Variants in ANKRD28 observed in about 807,000 individuals in gnomAD.
ANKRD28 encodes the protein serine/threonine-protein phosphatase 6 regulatory ankyrin repeat subunit A.
Under a neutral mutation model 126.5 loss-of-function variants are expected in ANKRD28, and 44 were observed. The observed-to-expected ratio is 0.35, with a 90% CI of 0.27 to 0.45. The LOEUF (loss-of-function observed/expected upper bound fraction) is 0.45. ANKRD28 is among the 20% of genes least tolerant of loss of function. The pLI is 1.00. For missense variants in ANKRD28, 1,110 were observed against 1,316.6 expected (o/e 0.84, Z 2.43); for synonymous variants, 442 against 468.5 (o/e 0.94, Z 0.73).
intron 6 of ANKRD28, among the ~76,000 whole-genome samples, chr3:15,727,587 AAAAG>A (rs1185467395): frequency 7.2e-5 from 8 of 110,370 alleles, no homozygotes; most frequent in African/African-American, 1.5e-4. Context: ...AAAAAAAAAA[AAAAG>A]AAAGAAAGAA....
At chr3:15,782,510 T>A (rs1468353481) in intron 2 of ANKRD28, among the ~76,000 whole-genome samples, 1 of 152,070 alleles carries the variant, frequency 6.6e-6, no homozygotes, top group Non-Finnish European at 1.5e-5. Context: ...ATGTGTGAAC[T>A]CTGAAAGGGT....
intron 2 of ANKRD28, among the ~76,000 whole-genome samples, chr3:15,774,390 A>G (rs1025943489): frequency 4.6e-5 from 7 of 152,198 alleles, no homozygotes; most frequent in Non-Finnish European, 7.3e-5. Context: ...CGGAATATAT[A>G]AAGAACTCTC....
intron 25 of ANKRD28, 140 bp downstream of exon 25, chr3:15,677,340 T>G: frequency 1.5e-6 from 1 of 649,200 alleles, no homozygotes; most frequent in Non-Finnish European, 2.6e-6. Flanking sequence ...GCCTTATAAG[T>G]CAATTTTGTT....
chr3:15,736,044 G>A (rs2074994303), intron 5 of ANKRD28, among the ~76,000 whole-genome samples: 1 of 152,156 alleles, frequency 6.6e-6, no homozygotes, highest in African/African-American at 2.4e-5. Flanking sequence ...AACCTTAACT[G>A]CAGTAGAGGC....
intron 27 of ANKRD28, among the ~76,000 whole-genome samples, chr3:15,673,386 T>C (rs974463681): frequency 6.6e-6 from 1 of 152,200 alleles, no homozygotes; most frequent in African/African-American, 2.4e-5. Context: ...ATGCAGCAAA[T>C]ATTCACTGAG....
In ANKRD28 at chr3:15,711,603, A is replaced by G. The variant is rs144511285; in HGVS notation, c.1274-329T>C. 2.5e-4 allele frequency among the ~76,000 whole-genome samples: 38 copies of G among 152,288 alleles called. No individual in the cohort carries two copies. In the South Asian group the frequency reaches 4.8e-3, roughly 19 times the overall value. On this transcript the variant is annotated intron_variant, in intron 11 of 27. Transcript: ENST00000683139. ...CAAATTTTATAGAGATGAAAAGTAG[A>G]TTAGTGGTTGCCTAGGGCTGAGGGA...
At chr3:15,737,529 ATC>A (rs1242899829) in intron 4 of ANKRD28, among the ~76,000 whole-genome samples, 1 of 12,384 alleles carries the variant, frequency 8.1e-5, no homozygotes, top group South Asian at 2.6e-3. Flanking sequence ...CAAGAGAGCA[ATC>A]ATAGCTCACC....
At chr3:15,859,293 C>G (rs1394051087) in intron 1 of ANKRD28, 19 of 1,491,380 alleles carry the variant, frequency 1.3e-5, no homozygotes, top group Non-Finnish European at 1.7e-5. Flanking sequence ...GCCGAGCGGG[C>G]GTCCCAGCGG....
rs1397105839 is a variant in ANKRD28, at chr3:15,817,316, T to C, written c.28-22010A>G. ...TGTCCCAACTAGATAGAAAATTTTATAGGTTATAAACTAACATCGGCAATT... is the reference window on the plus strand; with the variant it reads ...TGTCCCAACTAGATAGAAAATTTTACAGGTTATAAACTAACATCGGCAATT... On this transcript the variant is annotated intron_variant, in intron 1 of 27. Transcript: ENST00000399451. This position sits in a 1 kb window ranked among gnomAD's most constrained non-coding sequence, Gnocchi z 4.5. Among the ~76,000 whole-genome samples, 1 of 152,172 alleles carries C rather than the reference T, an allele frequency of 6.6e-6. No individual in the cohort carries two copies. Among genetic ancestry groups the C allele is most frequent in the Non-Finnish European group, 1.5e-5 (1 of 68,030 alleles).
chr3:15,714,509 G>C, intron 9 of ANKRD28, 69 bp downstream of exon 9: 2 of 1,110,832 alleles, frequency 1.8e-6, no homozygotes, highest in Non-Finnish European at 2.5e-6. Flanking sequence ...CATTCATTTG[G>C]TGGATGTTTT....
chr3:15,676,042 C>A, intron 26 of ANKRD28, 53 bp from the exon 27 acceptor site: 1 of 1,412,308 alleles, frequency 7.1e-7, no homozygotes. Flanking sequence ...CATGCACATA[C>A]ACATACACAC....
At position 15,706,047 on chromosome 3, in the gene ANKRD28, CAAAA is replaced by C. The variant is rs61336367; in HGVS notation, c.1547+1873_1547+1876del. Among the ~76,000 whole-genome samples the C allele has an allele frequency of 5.8e-3, 882 of 151,288 alleles. 8 individuals carry two copies. The highest frequency in any genetic ancestry group is 0.02 in the African/African-American group (813 of 41,190). The stretch of plus-strand genomic sequence containing the variant: ...CAACAAAAAAACCCACAAAAACAAA[CAAAA>C]AACCCCTAGAATTTTTTTTTTGTGT... On this transcript the variant is annotated intron_variant, in intron 14 of 27. Transcript: ENST00000683139.
chr3:15,737,443 T>C (rs957372478), intron 4 of ANKRD28, among the ~76,000 whole-genome samples: 1 of 78,160 alleles, frequency 1.3e-5, no homozygotes, highest in Non-Finnish European at 2.6e-5. Flanking sequence ...CTCAGAGCCA[T>C]ATAAGATGCA....
chr3:15,807,969 T>C (rs2060624773), intron 1 of ANKRD28, among the ~76,000 whole-genome samples: 1 of 152,252 alleles, frequency 6.6e-6, no homozygotes, highest in South Asian at 2.1e-4. Flanking sequence ...ACTATGGTTG[T>C]AGGCACTTTA....
chr3:15,722,836 C>T (rs1228922327), intron 7 of ANKRD28, among the ~76,000 whole-genome samples: 1 of 152,064 alleles, frequency 6.6e-6, no homozygotes, highest in Non-Finnish European at 1.5e-5. Flanking sequence ...ACCAACCTTG[C>T]TGACCCCTTG....
At chr3:15,763,367 A>G (rs949339454) in intron 3 of ANKRD28, among the ~76,000 whole-genome samples, 1 of 152,256 alleles carries the variant, frequency 6.6e-6, no homozygotes, top group South Asian at 2.1e-4. Flanking sequence ...TCTGAAAAGG[A>G]GACACAGTCT....
intron 4 of ANKRD28, among the ~76,000 whole-genome samples, chr3:15,749,377 G>A (rs1186877861): frequency 6.6e-6 from 1 of 151,982 alleles, no homozygotes; most frequent in Non-Finnish European, 1.5e-5. Context: ...CTCCCAAAGT[G>A]CTGGGATTAC....
In ANKRD28 at chr3:15,678,245, TAAG is replaced by T. The variant is rs1452395979; in HGVS notation, c.2668_2670del (p.Leu890del). 1 of 1,612,558 alleles carries T rather than the reference TAAG, an allele frequency of 6.2e-7. No individual in the cohort carries two copies. Among genetic ancestry groups the T allele is most frequent in the Non-Finnish European group, 8.5e-7 (1 of 1,179,586 alleles). ...GTTTGTCCATTTTCTGCAGCCATCA[TAAG>T]AGGTGTTTTCCCTGTAGAGTCCACA... is the stretch of plus-strand genomic sequence containing the variant. On this transcript the variant is annotated inframe_deletion, in exon 24 of 28. Coordinates refer to ENST00000683139, the MANE Select transcript of ANKRD28 (RefSeq NM_001349278.2).
intron 1 of ANKRD28, among the ~76,000 whole-genome samples, chr3:15,807,949 T>C (rs7610596): frequency 0.089 from 13,567 of 152,286 alleles, 669 homozygotes; most frequent in African/African-American, 0.12. Context: ...CCCAGGTAAC[T>C]TGAATAGCTA....
Sources: gnomAD v4.1 joint callset for allele counts (sites outside exome capture counted in the v4.1 genomes callset) on GRCh38, gnomAD v4.1.1 for gene constraint, Gnocchi (gnomAD v3.1) non-coding constraint, MANE v1.5 for transcripts, NCBI Gene and HGNC (gene_info 2026-07-23, HGNC 2026-07-21) for gene names.